ITGA4: variants seen among roughly 807,000 people sequenced by gnomAD.
ITGA4 encodes integrin alpha-4.
A neutral mutation model predicts 133.6 loss-of-function variants in ITGA4; 63 were observed. The ratio of observed to expected loss-of-function variants is 0.47; its 90% CI spans 0.38 to 0.58. The LOEUF (loss-of-function observed/expected upper bound fraction) is 0.58. Ranked by LOEUF, ITGA4 falls within the 20% of genes least tolerant of loss-of-function variation. ITGA4 has a pLI of 0.00. For synonymous variants in ITGA4, 483 were observed against 438.0 expected (o/e 1.10, Z -1.28); for missense variants, 1,076 against 1,252.7 (o/e 0.86, Z 2.13).
intron 26 of ITGA4, among the ~76,000 whole-genome samples, chr2:181,534,590 T>C (rs1687015866): frequency 6.7e-6 from 1 of 149,374 alleles, no homozygotes; most frequent in South Asian, 2.1e-4. Context: ...GCAGTGAGAA[T>C]TGAATAGATT....
At chr2:181,486,543 TG>T (rs1215658251) in intron 10 of ITGA4, among the ~76,000 whole-genome samples, 4 of 152,196 alleles carry the variant, frequency 2.6e-5, no homozygotes, top group African/African-American at 9.7e-5. Context: ...AGCAGGCCAC[TG>T]GGAGGCCTGG....
Position 181,485,990 on chromosome 2 carries a change from A to T in ITGA4, c.1151A>T (p.Glu384Val). 1 of 1,578,862 alleles carries T rather than the reference A, an allele frequency of 6.3e-7. No homozygotes were observed. Among genetic ancestry groups the T allele is most frequent in the Non-Finnish European group, 8.6e-7 (1 of 1,169,036 alleles). ...NLGDIDNDGFEDVAIGAPQED... is the reference protein window; with the variant it reads ...NLGDIDNDGFVDVAIGAPQED... ...GGCGACATTGACAATGATGGCTTTG[A>T]AGGTAATTAAAATTATCAAATTGGT... Residue 384 changes from glutamate (E) to valine (V), a missense_variant and splice_region_variant, in exon 10 of 28, where the codon GAA (glutamate) becomes GTA (valine). Physicochemically the swap from Glu to Val is moderately radical, Grantham distance 121. Around this residue, in one of 4 missense-constraint regions of ITGA4, gnomAD observed 436 missense variants for 590.7 expected, o/e 0.74. Coordinates refer to ENST00000397033, the MANE Select transcript of ITGA4 (RefSeq NM_000885.6).
upstream of ITGA4, chr2:181,457,329 C>G: frequency 3.5e-6 from 1 of 283,964 alleles, no homozygotes; most frequent in Non-Finnish European, 6.7e-6. Flanking sequence ...AGAGACGGAG[C>G]CCGGCCCTGC....
intron 15 of ITGA4, among the ~76,000 whole-genome samples, chr2:181,503,217 C>T (rs547906119): frequency 3.1e-4 from 47 of 152,228 alleles, no homozygotes; most frequent in African/African-American, 9.4e-4. Flanking sequence ...TTTAAATTTA[C>T]TTACAAAATC....
intron 19 of ITGA4, 103 bp from the exon 20 acceptor site, chr2:181,524,068 A>G (rs571911819): frequency 2.8e-6 from 2 of 725,032 alleles, no homozygotes; most frequent in South Asian, 1.8e-5. Flanking sequence ...CAATGGTTCA[A>G]TTCTACATTC....
intron 11 of ITGA4, among the ~76,000 whole-genome samples, chr2:181,494,309 T>C (rs1169376409): frequency 6.6e-6 from 1 of 152,106 alleles, no homozygotes; most frequent in Non-Finnish European, 1.5e-5. Flanking sequence ...ATAGAGAGCC[T>C]GAAGAGACCT....
chr2:181,533,058 A>C (rs1686977935), intron 25 of ITGA4, among the ~76,000 whole-genome samples: 1 of 152,228 alleles, frequency 6.6e-6, no homozygotes, highest in South Asian at 2.1e-4. Flanking sequence ...AAACATATTT[A>C]AATTTTAAAA....
intron 25 of ITGA4, among the ~76,000 whole-genome samples, chr2:181,532,003 A>C (rs1444472617): frequency 6.6e-6 from 1 of 152,200 alleles, no homozygotes; most frequent in Non-Finnish European, 1.5e-5. Flanking sequence ...GGCCAGGCAC[A>C]GTGGCTCATG....
intron 14 of ITGA4, among the ~76,000 whole-genome samples, chr2:181,496,918 T>C (rs1350656814): frequency 6.6e-6 from 1 of 152,156 alleles, no homozygotes; most frequent in Non-Finnish European, 1.5e-5. Flanking sequence ...CATGGATATG[T>C]AATAGAGGTC....
Position 181,495,719 on chromosome 2 carries a change from G to A in ITGA4, c.1386-64G>A, listed in dbSNP as rs1223771704. The stretch of plus-strand genomic sequence containing the variant: ...GTGAATGTAAACTGAAAAAACAAAC[G>A]CATTTCTCTCCTTAAGGAAAAATAA... On this transcript the variant is annotated intron_variant, in intron 13 of 27. Transcript: ENST00000397033. This position sits in a 1 kb window ranked among gnomAD's most constrained non-coding sequence, Gnocchi z 4.3. The A allele has an allele frequency of 5.7e-6, 8 of 1,411,102 alleles. No homozygotes were observed. The highest frequency in any genetic ancestry group is 5.1e-5 in the South Asian group (4 of 78,704). 87.4% of individuals were successfully genotyped at this position (1,411,102 alleles called of 1,614,324 possible).
chr2:181,488,716 C>G (rs575986347), intron 10 of ITGA4, among the ~76,000 whole-genome samples: 2 of 151,698 alleles, frequency 1.3e-5, no homozygotes, highest in African/African-American at 2.4e-5. Flanking sequence ...CCGCCACCAC[C>G]CCAGCTAATT....
intron 15 of ITGA4, among the ~76,000 whole-genome samples, chr2:181,503,267 A>G (rs1315814959): frequency 6.6e-6 from 1 of 152,158 alleles, no homozygotes; most frequent in Non-Finnish European, 1.5e-5. Flanking sequence ...GCTGTCAAAA[A>G]GACTCCAGAT....
chr2:181,537,733 A>G lies in ITGA4; in HGVS notation c.*2206A>G, dbSNP rs1476676737. The G allele has an allele frequency of 1.1e-5, 5 of 440,704 alleles. No homozygotes were observed. The highest frequency in any genetic ancestry group is 2.3e-5 in the Non-Finnish European group (5 of 220,100). The allele number at this position is 440,704 out of a possible 1,614,324, so 27.3% of individuals were successfully genotyped here. A position where few individuals can be genotyped will look rare whatever the true frequency, so the allele number is the denominator to read the frequency against. ...AAGTTTTTTTGTGTGTCCAATAAAC[A>G]CATTGTAAAAAAAAGAATTTGAATT... On this transcript the variant is annotated 3_prime_UTR_variant, in exon 28 of 28. Transcript: ENST00000397033.
chr2:181,485,397 A>T (rs534846622), intron 9 of ITGA4, among the ~76,000 whole-genome samples: 4 of 119,664 alleles, frequency 3.3e-5, no homozygotes, highest in Admixed American at 9.7e-5. Flanking sequence ...CTTCTGTTAT[A>T]ATTAGATTTT....
chr2:181,505,326 C>A (rs1307693767), intron 15 of ITGA4, among the ~76,000 whole-genome samples: 2 of 151,854 alleles, frequency 1.3e-5, no homozygotes, highest in East Asian at 1.9e-4. Flanking sequence ...TTTGCCCCAC[C>A]AAGTTAACAG....
At chr2:181,465,077 C>CT (rs1001062283) in intron 2 of ITGA4, among the ~76,000 whole-genome samples, 7 of 152,240 alleles carry the variant, frequency 4.6e-5, no homozygotes, top group African/African-American at 1.7e-4. Flanking sequence ...TAGACATGTT[C>CT]TTTTGACATT....
rs1403005757 is a variant in ITGA4, at chr2:181,537,956, T to C, written c.*2429T>C. 6.3e-6 allele frequency: 4 copies of C among 638,784 alleles called. No homozygotes were observed. The highest frequency in any genetic ancestry group is 3.6e-5 in the African/African-American group (2 of 55,602). 39.6% of individuals were successfully genotyped at this position (638,784 alleles called of 1,614,324 possible). A position where few individuals can be genotyped will look rare whatever the true frequency, so the allele number is the denominator to read the frequency against. On this transcript the variant is annotated 3_prime_UTR_variant, in exon 28 of 28. Transcript: ENST00000397033. ...GATTCTCATAGAAGTGCGAACCATA[T>C]GGTGAACTGGTATGTGAGGGATCTA...
intron 5 of ITGA4, chr2:181,479,301 C>T (rs1456396853): frequency 6.6e-6 from 1 of 151,992 alleles, no homozygotes; most frequent in African/African-American, 2.4e-5. Context: ...TTCTAACATT[C>T]TAGGATATGT....
intron 15 of ITGA4, among the ~76,000 whole-genome samples, chr2:181,508,769 T>C (rs991543984): frequency 4.6e-5 from 7 of 152,016 alleles, no homozygotes; most frequent in African/African-American, 1.7e-4. Context: ...GACCAGTGTA[T>C]ACAATTAGAT....
Sources: allele counts gnomAD v4.1 joint callset (sites outside exome capture counted in the v4.1 genomes callset), GRCh38; gene constraint gnomAD v4.1.1; regional missense constraint gnomAD v4.1.1; non-coding constraint Gnocchi (gnomAD v3.1); transcripts MANE v1.5; gene names NCBI Gene and HGNC (gene_info 2026-07-23, HGNC 2026-07-21).